Variants in NKAIN3 observed in about 807,000 individuals in gnomAD.
The protein encoded by NKAIN3 is sodium/potassium-transporting ATPase subunit beta-1-interacting protein 3.
In NKAIN3, 25 loss-of-function variants were observed where a neutral mutation model predicts 30.2. That is an observed-to-expected ratio of 0.83 (90% CI 0.60 to 1.16). The LOEUF (loss-of-function observed/expected upper bound fraction) is 1.16. NKAIN3 is among the 50% of genes most tolerant of loss of function. NKAIN3 has a pLI of 0.00. For missense variants in NKAIN3, 225 were observed against 254.1 expected (o/e 0.89, Z 0.78); for synonymous variants, 91 against 89.6 (o/e 1.02, Z -0.09).
chr8:62,258,589 G>A (rs958892503), intron 1 of NKAIN3, among the ~76,000 whole-genome samples: 2 of 152,128 alleles, frequency 1.3e-5, no homozygotes, highest in Admixed American at 6.6e-5. Context: ...GAGCCCAGGA[G>A]TTCGAGGCTG....
At chr8:62,385,867 G>A (rs1817411259) in intron 1 of NKAIN3, among the ~76,000 whole-genome samples, 1 of 152,160 alleles carries the variant, frequency 6.6e-6, no homozygotes, top group African/African-American at 2.4e-5. Flanking sequence ...GCATCAGTAT[G>A]TGTGAAATGC....
At chr8:62,919,542 G>A (rs1191175912) in intron 5 of NKAIN3, among the ~76,000 whole-genome samples, 2 of 151,938 alleles carry the variant, frequency 1.3e-5, no homozygotes, top group Non-Finnish European at 2.9e-5. Context: ...ACCATGCCCA[G>A]CCTACTTTCA....
chr8:62,939,683 T>G (rs1251579342), intron 5 of NKAIN3, among the ~76,000 whole-genome samples: 1 of 151,960 alleles, frequency 6.6e-6, no homozygotes, highest in Non-Finnish European at 1.5e-5. Context: ...AAAGATATAG[T>G]CTTTTCAGAC....
At chr8:62,831,785 A>G (rs964687220) in intron 4 of NKAIN3, among the ~76,000 whole-genome samples, 5 of 152,182 alleles carry the variant, frequency 3.3e-5, no homozygotes, top group Non-Finnish European at 7.3e-5. Flanking sequence ...TAACTTGGAA[A>G]ACATATTTGA....
At chr8:62,296,652 A>G (rs1813840560) in intron 1 of NKAIN3, among the ~76,000 whole-genome samples, 1 of 152,208 alleles carries the variant, frequency 6.6e-6, no homozygotes, top group South Asian at 2.1e-4. Context: ...TTAGTGTGAG[A>G]GACACTATGT....
chr8:62,920,196 A>C (rs187545538), intron 5 of NKAIN3, among the ~76,000 whole-genome samples: 212 of 152,352 alleles, frequency 1.4e-3, no homozygotes, highest in African/African-American at 4.9e-3. Flanking sequence ...AAGTCAAAAA[A>C]TTAATAAATT....
intron 3 of NKAIN3, among the ~76,000 whole-genome samples, chr8:62,596,388 T>C (rs570927612): frequency 1.6e-4 from 24 of 152,162 alleles, no homozygotes; most frequent in African/African-American, 5.1e-4. Flanking sequence ...CCCTTTCCTT[T>C]CCTTTCTGGT....
intron 1 of NKAIN3, among the ~76,000 whole-genome samples, chr8:62,353,702 C>A (rs1027565919): frequency 6.6e-6 from 1 of 152,076 alleles, no homozygotes; most frequent in African/African-American, 2.4e-5. Context: ...TAAATACTTA[C>A]TAATAAATAA....
chr8:62,973,228 T>A lies in NKAIN3; in HGVS notation c.*7821T>A. On this transcript the variant is annotated 3_prime_UTR_variant, in exon 7 of 7. Coordinates refer to ENST00000623646, the MANE Select transcript of NKAIN3 (RefSeq NM_001304533.3). ...ATCAAATGGTATTTCTAGTTCTAGA[T>A]CCTTGAGGAATTGCCACACTGTCAT... 6.6e-6 allele frequency among the ~76,000 whole-genome samples: 1 copy of A among 152,222 alleles called. No homozygotes were observed. The highest frequency in any genetic ancestry group is 2.4e-5 in the African/African-American group (1 of 41,456).
chr8:62,293,642 C>T (rs1005786117), intron 1 of NKAIN3, among the ~76,000 whole-genome samples: 3 of 152,168 alleles, frequency 2.0e-5, no homozygotes, highest in South Asian at 4.1e-4. Flanking sequence ...TGTCAGTCAG[C>T]CCGTATTGGG....
At chr8:62,453,594 G>T (rs1805718339) in intron 1 of NKAIN3, among the ~76,000 whole-genome samples, 1 of 152,042 alleles carries the variant, frequency 6.6e-6, no homozygotes, top group Non-Finnish European at 1.5e-5. Flanking sequence ...TCATGAGCTG[G>T]CTATTTGGAA....
chr8:62,426,529 G>A (rs556573851), intron 1 of NKAIN3, among the ~76,000 whole-genome samples: 9 of 151,990 alleles, frequency 5.9e-5, no homozygotes, highest in Admixed American at 5.2e-4. Flanking sequence ...ATTTGCCTGT[G>A]GGGATGTTAC....
intron 5 of NKAIN3, among the ~76,000 whole-genome samples, chr8:62,943,975 T>C (rs970004488): frequency 1.2e-4 from 18 of 151,784 alleles, no homozygotes; most frequent in African/African-American, 4.4e-4. Flanking sequence ...CTCAAAGGCA[T>C]AAGAATGACA....
chr8:62,892,471 C>T (rs534772882), intron 4 of NKAIN3, among the ~76,000 whole-genome samples: 1 of 152,102 alleles, frequency 6.6e-6, no homozygotes, highest in African/African-American at 2.4e-5. Flanking sequence ...TTAGTTATAT[C>T]CTTATATTTT....
intron 1 of NKAIN3, among the ~76,000 whole-genome samples, chr8:62,282,476 A>G (rs1201458167): frequency 6.6e-6 from 1 of 152,146 alleles, no homozygotes; most frequent in African/African-American, 2.4e-5. Flanking sequence ...AGATTTTTGA[A>G]TGCGTTTGCT....
chr8:62,875,217 C>T (rs1820759527), intron 4 of NKAIN3, among the ~76,000 whole-genome samples: 1 of 152,086 alleles, frequency 6.6e-6, no homozygotes, highest in South Asian at 2.1e-4. Flanking sequence ...AGTGAACTCC[C>T]ATTCACAATG....
chr8:62,647,579 C>T (rs934666031), intron 3 of NKAIN3, among the ~76,000 whole-genome samples: 2 of 151,982 alleles, frequency 1.3e-5, no homozygotes, highest in Non-Finnish European at 2.9e-5. Context: ...GGAATATCCA[C>T]GGGGAAACCT....
chr8:62,411,619 C>G lies in NKAIN3; in HGVS notation c.54+162492C>G, dbSNP rs141842007. ...AGGAAAAGAAGATGTCAAACTATCT[C>G]TCTTCCCTGATGATATGATTTTATA... On this transcript the variant is annotated intron_variant, in intron 1 of 6. Transcript: ENST00000623646. Among the ~76,000 whole-genome samples, 12 of 152,312 alleles carry G rather than the reference C, an allele frequency of 7.9e-5. No individual in the cohort carries two copies. In the East Asian group the frequency reaches 2.3e-3, roughly 29 times the overall value.
chr8:62,680,392 A>G (rs972043409), intron 3 of NKAIN3, among the ~76,000 whole-genome samples: 3 of 152,174 alleles, frequency 2.0e-5, no homozygotes, highest in African/African-American at 4.8e-5. Context: ...GTTGTTTTAA[A>G]CCATTGAAAT....
Sources: gnomAD v4.1 joint callset for allele counts (sites outside exome capture counted in the v4.1 genomes callset) on GRCh38, gnomAD v4.1.1 for gene constraint, MANE v1.5 for transcripts, NCBI Gene and HGNC (gene_info 2026-07-23, HGNC 2026-07-21) for gene names.